GABRG3: variants seen among roughly 807,000 people sequenced by gnomAD.
GABRG3 encodes gamma-aminobutyric acid type A receptor subunit gamma3, also known as gamma-aminobutyric acid receptor subunit gamma-3.
Under a neutral mutation model 48.8 loss-of-function variants are expected in GABRG3, and 25 were observed. The ratio of observed to expected loss-of-function variants is 0.51; its 90% CI spans 0.37 to 0.72. The LOEUF (loss-of-function observed/expected upper bound fraction) is 0.72, where lower values mean the gene tolerates loss of function less well. Ranked by LOEUF, GABRG3 falls within the 30% of genes least tolerant of loss-of-function variation. The pLI, the probability that GABRG3 is intolerant of heterozygous loss-of-function variation, is 0.00. For missense variants in GABRG3, 394 were observed against 577.9 expected, an observed-to-expected ratio of 0.68 and a Z score of 3.26; for synonymous variants, 227 against 217.6, an observed-to-expected ratio of 1.04 and a Z score of -0.38.
intron 3 of GABRG3, among the ~76,000 whole-genome samples, chr15:27,070,232 G>C (rs1405792228): frequency 6.6e-6 from 1 of 152,206 alleles, no homozygotes; most frequent in African/African-American, 2.4e-5. Context: ...TATCTTCAGT[G>C]CCGTATACAA....
At chr15:27,056,825 A>G (rs1595497827) in intron 3 of GABRG3, among the ~76,000 whole-genome samples, 1 of 152,350 alleles carries the variant, frequency 6.6e-6, no homozygotes, top group East Asian at 1.9e-4. Context: ...GAATGGCTCC[A>G]GCACACTATT....
intron 3 of GABRG3, among the ~76,000 whole-genome samples, chr15:27,096,684 A>T (rs929437697): frequency 6.6e-6 from 1 of 152,186 alleles, no homozygotes; most frequent in Non-Finnish European, 1.5e-5. Context: ...CCAAATAATT[A>T]ATAAATTCAT....
intron 5 of GABRG3, among the ~76,000 whole-genome samples, chr15:27,412,810 A>C (rs1887837253): frequency 1.3e-5 from 2 of 152,232 alleles, no homozygotes; most frequent in African/African-American, 4.8e-5. Flanking sequence ...TTGAAGGAAA[A>C]AAACAAATAT....
chr15:27,020,434 C>T (rs1351745547), intron 2 of GABRG3, among the ~76,000 whole-genome samples: 3 of 152,184 alleles, frequency 2.0e-5, no homozygotes, highest in Non-Finnish European at 4.4e-5. Context: ...GTTTTTGAGA[C>T]GGAGTCTCGC....
intron 5 of GABRG3, among the ~76,000 whole-genome samples, chr15:27,407,293 A>G (rs1419317481): frequency 6.6e-6 from 1 of 152,214 alleles, no homozygotes; most frequent in Non-Finnish European, 1.5e-5. Flanking sequence ...AATGGGCAAA[A>G]TCCGGAACAC....
chr15:27,436,935 G>C (rs952447312), intron 5 of GABRG3, among the ~76,000 whole-genome samples: 4 of 150,616 alleles, frequency 2.7e-5, no homozygotes, highest in Non-Finnish European at 5.9e-5. Flanking sequence ...GTTCAATGCT[G>C]CAGTGAGCTA....
chr15:27,292,375 C>T (rs1388165003), intron 3 of GABRG3, among the ~76,000 whole-genome samples: 1 of 151,496 alleles, frequency 6.6e-6, no homozygotes, highest in Non-Finnish European at 1.5e-5. Context: ...ACGTGTATAC[C>T]TATGTAACAA....
intron 3 of GABRG3, among the ~76,000 whole-genome samples, chr15:27,311,144 G>A (rs910345462): frequency 6.6e-6 from 1 of 152,274 alleles, no homozygotes; most frequent in Middle Eastern, 3.4e-3. Context: ...CTTCCACCCT[G>A]TGATCTCACC....
chr15:27,265,538 C>T (rs2140469851), intron 3 of GABRG3, among the ~76,000 whole-genome samples: 1 of 152,266 alleles, frequency 6.6e-6, no homozygotes. Context: ...ACCCAGGTTC[C>T]CTGGGCTTCA....
chr15:26,990,950 A>G (rs944011036), intron 2 of GABRG3, among the ~76,000 whole-genome samples: 13 of 151,860 alleles, frequency 8.6e-5, no homozygotes, highest in Non-Finnish European at 1.2e-4. Context: ...GACTACAGGC[A>G]TGCGCCACCA....
chr15:27,435,297 A>G (rs929890602), intron 5 of GABRG3, among the ~76,000 whole-genome samples: 1 of 151,780 alleles, frequency 6.6e-6, no homozygotes, highest in African/African-American at 2.4e-5. Context: ...GCAAGTGTCT[A>G]CAAATGGTAA....
intron 3 of GABRG3, among the ~76,000 whole-genome samples, chr15:27,318,724 G>A (rs1368917546): frequency 5.9e-5 from 9 of 152,166 alleles, no homozygotes; most frequent in East Asian, 5.8e-4. Flanking sequence ...GATCCCAGGC[G>A]AGTAGTTCCA....
At chr15:27,334,792 A>C (rs1205154821) in intron 5 of GABRG3, among the ~76,000 whole-genome samples, 1 of 152,202 alleles carries the variant, frequency 6.6e-6, no homozygotes, top group Non-Finnish European at 1.5e-5. Context: ...ATATTAGAAA[A>C]AATACATAGG....
chr15:27,496,902 AT>A (rs1890500667), intron 6 of GABRG3, among the ~76,000 whole-genome samples: 1 of 152,202 alleles, frequency 6.6e-6, no homozygotes, highest in African/African-American at 2.4e-5. Context: ...GTCTTGATAT[AT>A]CAGGGTCACA....
intron 3 of GABRG3, among the ~76,000 whole-genome samples, chr15:27,193,816 C>G (rs760197445): frequency 6.6e-6 from 1 of 151,006 alleles, no homozygotes; most frequent in Non-Finnish European, 1.5e-5. Flanking sequence ...CTGCGTCGCT[C>G]ACGCTGGGAG....
intron 2 of GABRG3, among the ~76,000 whole-genome samples, chr15:27,016,570 T>C (rs1895782781): frequency 6.6e-6 from 1 of 152,198 alleles, no homozygotes; most frequent in South Asian, 2.1e-4. Context: ...TTATGATGTG[T>C]CTCTTTGTAG....
chr15:27,480,344 C>G (rs947739132), intron 5 of GABRG3, among the ~76,000 whole-genome samples: 2 of 152,144 alleles, frequency 1.3e-5, no homozygotes, highest in Non-Finnish European at 2.9e-5. Flanking sequence ...CTCCACTCCT[C>G]GAAGGCCGAC....
intron 5 of GABRG3, among the ~76,000 whole-genome samples, chr15:27,443,594 G>T (rs1015733427): frequency 1.3e-5 from 2 of 152,096 alleles, no homozygotes; most frequent in African/African-American, 4.8e-5. Context: ...CTACATACAG[G>T]ATTATGTTTT....
At chr15:27,388,040 G>A (rs1257436447) in intron 5 of GABRG3, among the ~76,000 whole-genome samples, 4 of 122,556 alleles carry the variant, frequency 3.3e-5, no homozygotes, top group Non-Finnish European at 6.9e-5. Flanking sequence ...GGAAAGGAAG[G>A]AAGGAAGGAA....
Sources: allele counts gnomAD v4.1 joint callset (sites outside exome capture counted in the v4.1 genomes callset), GRCh38; gene constraint gnomAD v4.1.1; transcripts MANE v1.5; gene names NCBI Gene and HGNC (gene_info 2026-07-23, HGNC 2026-07-21).